ARIH1: variants seen among roughly 807,000 people sequenced by gnomAD.
The protein encoded by ARIH1 is ariadne RBR E3 ubiquitin protein ligase 1.
In ARIH1, 8 loss-of-function variants were observed where a neutral mutation model predicts 85.0. The observed-to-expected ratio is 0.09, with a 90% confidence interval of 0.06 to 0.17. The LOEUF (loss-of-function observed/expected upper bound fraction) is 0.17. Ranked by LOEUF, ARIH1 falls within the 10% of genes least tolerant of loss-of-function variation. The pLI is 1.00. For synonymous variants in ARIH1, 238 were observed against 253.6 expected (o/e 0.94, Z 0.59); for missense variants, 311 against 718.1 (o/e 0.43, Z 6.48).
Position 72,586,110 on chromosome 15 carries a change from T to C in ARIH1, c.*2818T>C, listed in dbSNP as rs979437222. 3.9e-5 allele frequency: 6 copies of C among 152,214 alleles called. No individual in the cohort carries two copies. 9.4% of individuals were successfully genotyped at this position (152,214 alleles called of 1,614,324 possible). A position where few individuals can be genotyped will look rare whatever the true frequency, so the allele number is the denominator to read the frequency against. On this transcript the variant is annotated 3_prime_UTR_variant, in exon 14 of 14. Coordinates refer to ENST00000379887, the MANE Select transcript of ARIH1 (RefSeq NM_005744.5). Reference sequence around the variant, plus strand: ...GAGTAGCATATAATATCAGACTAAATTATCTGTAATTTTCCACAACCCAGA... The same window carrying C: ...GAGTAGCATATAATATCAGACTAAACTATCTGTAATTTTCCACAACCCAGA...
Position 72,592,568 on chromosome 15 carries a change from T to C in ARIH1, c.*9276T>C, listed in dbSNP as rs1307804145. 6.6e-6 allele frequency: 1 copy of C among 152,222 alleles called. No individual in the cohort carries two copies. Among genetic ancestry groups the C allele is most frequent in the African/African-American group, 2.4e-5 (1 of 41,458 alleles). The allele number at this position is 152,222 out of a possible 1,614,324, so 9.4% of individuals were successfully genotyped here. A position where few individuals can be genotyped will look rare whatever the true frequency, so the allele number is the denominator to read the frequency against. ...CAGAAAATTCTCAAGTACTTTTAAA[T>C]CACCCCTGAGCACCTCCCCACTCCA... On this transcript the variant is annotated 3_prime_UTR_variant, in exon 14 of 14. Coordinates refer to ENST00000379887, the MANE Select transcript of ARIH1 (RefSeq NM_005744.5).
chr15:72,560,148 T>C (rs2064191723), intron 5 of ARIH1, among the ~76,000 whole-genome samples: 1 of 152,198 alleles, frequency 6.6e-6, no homozygotes, highest in East Asian at 1.9e-4. Context: ...TTGAACACTT[T>C]CTACAGGCGT....
At position 72,557,728 on chromosome 15, in the gene ARIH1, T is replaced by G. The variant is rs1197038076; in HGVS notation, c.737+1821T>G. Among the ~76,000 whole-genome samples the G allele has an allele frequency of 2.6e-5, 4 of 152,204 alleles. No homozygotes were observed. In the East Asian group the frequency reaches 7.7e-4, roughly 29 times the overall value. Reference sequence around the variant, plus strand: ...TCCTTTAGTTAATTTTTGTATATGGTGAAAGATATAGGGGTCAAGTTTCAT... The same window carrying G: ...TCCTTTAGTTAATTTTTGTATATGGGGAAAGATATAGGGGTCAAGTTTCAT... On this transcript the variant is annotated intron_variant, in intron 5 of 13. Coordinates refer to ENST00000379887, the MANE Select transcript of ARIH1 (RefSeq NM_005744.5).
At chr15:72,531,334 C>T (rs1280105603) in intron 2 of ARIH1, among the ~76,000 whole-genome samples, 1 of 152,104 alleles carries the variant, frequency 6.6e-6, no homozygotes. Flanking sequence ...GTGGCACAGT[C>T]TCAGCTCAGT....
rs1440081874 is a variant in ARIH1, at chr15:72,561,640, AC to A, written c.804+92del. On this transcript the variant is annotated intron_variant, in intron 6 of 13. Transcript: ENST00000379887. ...AATTATAATTTATTGACAGTAAAAA[AC>A]ATCTTTAACATATTTATGAAGCATG... 3 of 775,420 alleles carry A rather than the reference AC, an allele frequency of 3.9e-6. No individual in the cohort carries two copies. In the African/African-American group the frequency reaches 5.4e-5, roughly 14 times the overall value. The allele number at this position is 775,420 out of a possible 1,614,324, so 48.0% of individuals were successfully genotyped here. A position where few individuals can be genotyped will look rare whatever the true frequency, so the allele number is the denominator to read the frequency against.
chr15:72,565,934 ATTAT>A (rs1640596187), intron 7 of ARIH1, among the ~76,000 whole-genome samples: 1 of 152,106 alleles, frequency 6.6e-6, no homozygotes, highest in Non-Finnish European at 1.5e-5. Context: ...CTGTCATTTT[ATTAT>A]TTTTTTCTTA....
At chr15:72,552,621 A>C (rs2064157525) in intron 3 of ARIH1, among the ~76,000 whole-genome samples, 1 of 152,264 alleles carries the variant, frequency 6.6e-6, no homozygotes, top group Admixed American at 6.5e-5. Context: ...CAACAACAAA[A>C]AAAAACAAGG....
At chr15:72,484,554 A>C (rs1349387895) in intron 1 of ARIH1, among the ~76,000 whole-genome samples, 2 of 152,000 alleles carry the variant, frequency 1.3e-5, no homozygotes, top group African/African-American at 4.8e-5. Flanking sequence ...CTCTTAGAAT[A>C]ATAAGTCTCC....
chr15:72,527,240 C>CT (rs1309429007), intron 2 of ARIH1, among the ~76,000 whole-genome samples: 1 of 152,168 alleles, frequency 6.6e-6, no homozygotes, highest in African/African-American at 2.4e-5. Context: ...GAATGTCAAA[C>CT]TATTTTAGTG....
intron 1 of ARIH1, among the ~76,000 whole-genome samples, chr15:72,476,666 G>C (rs1268523593): frequency 1.3e-4 from 20 of 152,092 alleles, no homozygotes; most frequent in Admixed American, 1.3e-3. Flanking sequence ...CCGGCCTGTA[G>C]AAGATGCACA....
intron 1 of ARIH1, among the ~76,000 whole-genome samples, chr15:72,482,807 A>G (rs1446489590): frequency 6.6e-6 from 1 of 150,518 alleles, no homozygotes; most frequent in Non-Finnish European, 1.5e-5. Flanking sequence ...GCTGCAACCA[A>G]GGTGACGGCT....
intron 2 of ARIH1, among the ~76,000 whole-genome samples, chr15:72,523,237 A>G (rs1396314392): frequency 1.3e-5 from 2 of 152,264 alleles, no homozygotes; most frequent in Admixed American, 1.3e-4. Context: ...CTTGGAAGCA[A>G]CCAAGATGTC....
intron 2 of ARIH1, among the ~76,000 whole-genome samples, chr15:72,537,730 G>A (rs1459857591): frequency 6.6e-6 from 1 of 152,074 alleles, no homozygotes; most frequent in East Asian, 1.9e-4. Flanking sequence ...GGCAGTTCTT[G>A]GAAGGGTTTT....
Position 72,570,231 on chromosome 15 carries a change from G to T in ARIH1, c.1081G>T (p.Val361Phe). The change falls in exon 10 of 14, where the codon GTC becomes TTC. Residue 361 changes from valine (V) to phenylalanine (F), a missense_variant. By Grantham distance (50) the Val-to-Phe change is conservative. Transcript: ENST00000379887. ...GAAGGATGGTGGTTGTAATCACATG[G>T]TCTGTCGTAACCAGAATTGTAAAGC... ...IEKDGGCNHM[V>F]CRNQNCKAEF... is the part of the protein sequence containing the mutation. 1 of 1,614,080 alleles carries T rather than the reference G, an allele frequency of 6.2e-7. No individual in the cohort carries two copies. Among genetic ancestry groups the T allele is most frequent in the Non-Finnish European group, 8.5e-7 (1 of 1,179,972 alleles).
At chr15:72,498,383 A>G (rs1416848016) in intron 1 of ARIH1, among the ~76,000 whole-genome samples, 1 of 152,252 alleles carries the variant, frequency 6.6e-6, no homozygotes, top group Admixed American at 6.5e-5. Context: ...TAATATAACC[A>G]TATCAATTTA....
chr15:72,498,723 C>T (rs1030787449), intron 1 of ARIH1, among the ~76,000 whole-genome samples: 1 of 151,616 alleles, frequency 6.6e-6, no homozygotes, highest in African/African-American at 2.4e-5. Flanking sequence ...GCCTGTAATC[C>T]CAGCTACCTG....
chr15:72,562,123 A>G (rs189599620), intron 6 of ARIH1, among the ~76,000 whole-genome samples: 2 of 152,316 alleles, frequency 1.3e-5, no homozygotes, highest in Admixed American at 6.5e-5. Context: ...GTAGATTACT[A>G]ATCGTGTCAT....
At chr15:72,547,651 GTAC>G (rs1195273362) in intron 3 of ARIH1, among the ~76,000 whole-genome samples, 3 of 152,092 alleles carry the variant, frequency 2.0e-5, no homozygotes, top group African/African-American at 4.8e-5. Context: ...TTTTTAAAAA[GTAC>G]TACTGTTACA....
At chr15:72,545,093 T>A in intron 3 of ARIH1, 129 bp downstream of exon 3, 1 of 765,564 alleles carries the variant, frequency 1.3e-6, no homozygotes, top group Non-Finnish European at 1.8e-6. Context: ...CCTATCAATG[T>A]ATTCAGTGTG....
Sources: allele counts gnomAD v4.1 joint callset (sites outside exome capture counted in the v4.1 genomes callset), GRCh38; gene constraint gnomAD v4.1.1; transcripts MANE v1.5; gene names NCBI Gene and HGNC (gene_info 2026-07-23, HGNC 2026-07-21).